Variants in FAT3 observed in about 807,000 individuals in gnomAD.
The protein encoded by FAT3 is protocadherin Fat 3.
Under a neutral mutation model 310.2 loss-of-function variants are expected in FAT3, and 95 were observed. That is an observed-to-expected ratio of 0.31 (90% CI 0.26 to 0.36). The LOEUF (loss-of-function observed/expected upper bound fraction) is 0.36, where lower values mean the gene tolerates loss of function less well. FAT3 is among the 10% of genes least tolerant of loss of function. FAT3 has a pLI of 1.00. For missense variants in FAT3, 5,408 were observed against 5,715.6 expected (o/e 0.95, Z 1.74); for synonymous variants, 2,314 against 2,192.9 (o/e 1.06, Z -1.54).
intron 4 of FAT3, among the ~76,000 whole-genome samples, chr11:92,698,412 G>A (rs1944001362): frequency 6.6e-6 from 1 of 152,172 alleles, no homozygotes; most frequent in Non-Finnish European, 1.5e-5. Context: ...GGGTCTTGAA[G>A]CTGCCCTGCT....
intron 7 of FAT3, among the ~76,000 whole-genome samples, chr11:92,788,519 G>T (rs1445695386): frequency 6.6e-6 from 1 of 152,060 alleles, no homozygotes; most frequent in African/African-American, 2.4e-5. Context: ...AAATGAGGAA[G>T]AAAATAATAG....
chr11:92,828,530 C>T (rs977378849), intron 13 of FAT3, among the ~76,000 whole-genome samples: 1 of 152,024 alleles, frequency 6.6e-6, no homozygotes, highest in Non-Finnish European at 1.5e-5. Flanking sequence ...AAGAGAGGAA[C>T]AATATATCTT....
chr11:92,377,088 A>G (rs777188239), intron 2 of FAT3, among the ~76,000 whole-genome samples: 4 of 152,218 alleles, frequency 2.6e-5, no homozygotes, highest in Non-Finnish European at 4.4e-5. Context: ...AGACCTGTAC[A>G]GTCTGTACGT....
rs74480399 is a variant in FAT3 at position 92,392,841 on chromosome 11, C to T, written c.3292+37437C>T. Among the ~76,000 whole-genome samples the T allele has an allele frequency of 5.9e-3, 903 of 152,288 alleles. 17 individuals carry two copies. The highest frequency in any genetic ancestry group is 0.02 in the African/African-American group (830 of 41,556). On this transcript the variant is annotated intron_variant, in intron 2 of 27. Coordinates refer to ENST00000525166, the MANE Select transcript of FAT3 (RefSeq NM_001367949.2). ...TGTTGCTCTTGAAGCCCCTCCTCTC[C>T]TAGCCCATAGCAGGTGATCAGCAAA...
At chr11:92,746,953 C>T (rs1366560600) in intron 4 of FAT3, among the ~76,000 whole-genome samples, 2 of 152,216 alleles carry the variant, frequency 1.3e-5, no homozygotes, top group African/African-American at 4.8e-5. Flanking sequence ...CAGCCTCCCT[C>T]CTGACTGCTT....
chr11:92,679,841 CAAAAAA>C (rs71064721), intron 3 of FAT3, among the ~76,000 whole-genome samples: 4 of 57,262 alleles, frequency 7.0e-5, no homozygotes, highest in South Asian at 2.0e-3. Context: ...GACTCCATCT[CAAAAAA>C]AAAAAAAAAA....
At chr11:92,345,347 A>G (rs183447668) in intron 1 of FAT3, among the ~76,000 whole-genome samples, 1 of 152,320 alleles carries the variant, frequency 6.6e-6, no homozygotes, top group East Asian at 1.9e-4. Flanking sequence ...TACTTTAAAG[A>G]TACACATAAG....
chr11:92,357,414 T>G (rs558005672), intron 2 of FAT3, among the ~76,000 whole-genome samples: 1 of 152,322 alleles, frequency 6.6e-6, no homozygotes, highest in African/African-American at 2.4e-5. Flanking sequence ...CCAACTACAC[T>G]GAAATTTGGT....
chr11:92,263,975 A>C (rs1216526232), intron 1 of FAT3, among the ~76,000 whole-genome samples: 1 of 152,102 alleles, frequency 6.6e-6, no homozygotes. Context: ...TAAAGTAGAT[A>C]ATCATTATGC....
chr11:92,643,187 C>T (rs1268083327), intron 3 of FAT3, among the ~76,000 whole-genome samples: 1 of 152,166 alleles, frequency 6.6e-6, no homozygotes, highest in African/African-American at 2.4e-5. Flanking sequence ...CTTTCTATTA[C>T]ATCAGGTTGC....
chr11:92,499,393 T>G (rs918730979), intron 2 of FAT3, among the ~76,000 whole-genome samples: 1 of 152,108 alleles, frequency 6.6e-6, no homozygotes, highest in Admixed American at 6.6e-5. Context: ...CCATTTACTA[T>G]TTAAAGATTA....
chr11:92,416,400 A>G (rs1324509265), intron 2 of FAT3, among the ~76,000 whole-genome samples: 1 of 151,548 alleles, frequency 6.6e-6, no homozygotes, highest in Non-Finnish European at 1.5e-5. Flanking sequence ...AAAAAAAAGA[A>G]AGAAAGAAAA....
Position 92,482,097 on chromosome 11 carries a change from A to G in FAT3, c.3293-42537A>G, listed in dbSNP as rs938700268. Among the ~76,000 whole-genome samples the G allele has an allele frequency of 6.6e-5, 10 of 152,090 alleles. No individual in the cohort carries two copies. In the South Asian group the frequency reaches 1.7e-3, roughly 25 times the overall value. ...AACGTGGTCTTTTTTTTACTTAACC[A>G]TACATTTAGACATCTTCAATGTCAG... On this transcript the variant is annotated intron_variant, in intron 2 of 27. Coordinates refer to ENST00000525166, the MANE Select transcript of FAT3 (RefSeq NM_001367949.2).
At position 92,559,383 on chromosome 11, in the gene FAT3, CTTTTTTTT is replaced by C. The variant is rs386374501; in HGVS notation, c.3607+34447_3607+34454del. The stretch of plus-strand genomic sequence containing the variant: ...GCTGGGTGATTGTTTACTTATTTTC[CTTTTTTTT>C]TTTTTTTTTTTGAAACAGGGTCTTG... On this transcript the variant is annotated intron_variant, in intron 3 of 27. Transcript: ENST00000525166. 2.6e-4 allele frequency: 38 copies of C among 144,000 alleles called. No individual in the cohort carries two copies. In the South Asian group the frequency reaches 3.2e-3, roughly 12 times the overall value. The allele number at this position is 144,000 out of a possible 1,614,324, so 8.9% of individuals were successfully genotyped here. A position where few individuals can be genotyped will look rare whatever the true frequency, so the allele number is the denominator to read the frequency against.
intron 3 of FAT3, among the ~76,000 whole-genome samples, chr11:92,535,494 A>AG (rs34806866): frequency 0.42 from 63,125 of 152,042 alleles, 13,455 homozygotes; most frequent in Middle Eastern, 0.56. Flanking sequence ...ATAGCTGTGA[A>AG]GGTGAGGTTC....
Position 92,352,147 on chromosome 11 carries a change from G to T in FAT3, c.35G>T (p.Arg12Leu). 3 of 1,365,860 alleles carry T rather than the reference G, an allele frequency of 2.2e-6. No homozygotes were observed. The highest frequency in any genetic ancestry group is 2.9e-6 in the Non-Finnish European group (3 of 1,021,306). The allele number at this position is 1,365,860 out of a possible 1,614,324, so 84.6% of individuals were successfully genotyped here. The change falls in exon 2 of 28, where the codon CGG becomes CTG. Residue 12 changes from arginine to leucine, a missense_variant. Transcript: ENST00000525166. ...DIIMGHCVGT[R>L]PPACCLILLL... ...ATTATGGGACACTGTGTGGGCACAC[G>T]GCCTCCTGCTTGTTGCCTCATCCTC...
chr11:92,838,665 G>A (rs1256126530), intron 17 of FAT3, among the ~76,000 whole-genome samples: 1 of 152,166 alleles, frequency 6.6e-6, no homozygotes, highest in Non-Finnish European at 1.5e-5. Flanking sequence ...TTTGGCCTCA[G>A]AATCACCCCA....
At chr11:92,225,802 G>A (rs1863880370) in intron 1 of FAT3, among the ~76,000 whole-genome samples, 1 of 152,176 alleles carries the variant, frequency 6.6e-6, no homozygotes, top group East Asian at 1.9e-4. Context: ...CGGCGGCGGC[G>A]GCTCTTCGAC....
chr11:92,273,704 A>G (rs923536535), intron 1 of FAT3, among the ~76,000 whole-genome samples: 1 of 152,096 alleles, frequency 6.6e-6, no homozygotes, highest in African/African-American at 2.4e-5. Flanking sequence ...GAGGAAGACT[A>G]TAAAGCTCTG....
Sources: allele counts gnomAD v4.1 joint callset (sites outside exome capture counted in the v4.1 genomes callset), GRCh38; gene constraint gnomAD v4.1.1; transcripts MANE v1.5; gene names NCBI Gene and HGNC (gene_info 2026-07-23, HGNC 2026-07-21).